SWT1: variants seen among roughly 807,000 people sequenced by gnomAD.
The protein encoded by SWT1 is transcriptional protein SWT1.
Under a neutral mutation model 107.3 loss-of-function variants are expected in SWT1, and 33 were observed. The observed-to-expected ratio is 0.31, with a 90% CI of 0.23 to 0.41. The LOEUF (loss-of-function observed/expected upper bound fraction) is 0.41. Among genes scored for constraint, SWT1 ranks in the 10% least tolerant of loss-of-function variants. The pLI, the probability that SWT1 is intolerant of heterozygous loss-of-function variation, is 1.00. For missense variants in SWT1, 898 were observed against 1,028.9 expected (o/e 0.87, Z 1.74); for synonymous variants, 345 against 348.3 (o/e 0.99, Z 0.11).
intron 4 of SWT1, chr1:185,171,488 C>T: frequency 3.3e-6 from 1 of 305,034 alleles, no homozygotes; most frequent in Non-Finnish European, 6.4e-6. Context: ...GAAGAGGCAT[C>T]TCGGAAGTCA....
intron 16 of SWT1, among the ~76,000 whole-genome samples, chr1:185,254,658 A>C (rs1463510020): frequency 6.6e-6 from 1 of 151,530 alleles, no homozygotes; most frequent in East Asian, 2.0e-4. Flanking sequence ...TGTCTATTTG[A>C]TTCTTCTTTC....
intron 1 of SWT1, 108 bp from the exon 2 acceptor site, chr1:185,160,725 A>G: frequency 2.6e-6 from 2 of 764,000 alleles, no homozygotes; most frequent in Non-Finnish European, 2.1e-6. Flanking sequence ...ATAAAATAAA[A>G]AGTGATCATA....
chr1:185,158,394 G>C lies in SWT1; in HGVS notation c.-10+1080G>C, dbSNP rs553162250. On this transcript the variant is annotated intron_variant, in intron 1 of 18. Transcript: ENST00000367500. Reference sequence around the variant, plus strand: ...CGTACAGCTTTTATCTAGTATTCCTGAATGTGTAGTTGACTCATGGCTCAA... The same window carrying C: ...CGTACAGCTTTTATCTAGTATTCCTCAATGTGTAGTTGACTCATGGCTCAA... 7.9e-5 allele frequency among the ~76,000 whole-genome samples: 12 copies of C among 151,740 alleles called. No homozygotes were observed. The South Asian group carries it at 2.5e-3, about 32-fold the overall frequency.
At chr1:185,220,684 A>G (rs984280761) in intron 14 of SWT1, among the ~76,000 whole-genome samples, 1 of 152,314 alleles carries the variant, frequency 6.6e-6, no homozygotes, top group South Asian at 2.1e-4. Flanking sequence ...CTAAAAAACA[A>G]ACATATTCTG....
intron 1 of SWT1, among the ~76,000 whole-genome samples, chr1:185,158,240 CT>C (rs980115824): frequency 6.6e-6 from 1 of 152,116 alleles, no homozygotes; most frequent in African/African-American, 2.4e-5. Context: ...ACTCCTCCCC[CT>C]ATAGTTAAGA....
chr1:185,170,900 T>A (rs1178921396), intron 4 of SWT1, among the ~76,000 whole-genome samples: 2 of 152,204 alleles, frequency 1.3e-5, no homozygotes, highest in African/African-American at 2.4e-5. Context: ...TTATTGACAC[T>A]GTCATTTTCC....
intron 10 of SWT1, among the ~76,000 whole-genome samples, chr1:185,194,164 C>T (rs1249033743): frequency 6.6e-6 from 1 of 152,022 alleles, no homozygotes; most frequent in East Asian, 1.9e-4. Context: ...TTACTTTTAG[C>T]CCCTCTACGC....
intron 3 of SWT1, among the ~76,000 whole-genome samples, chr1:185,167,226 A>G (rs80242868): frequency 0.021 from 3,189 of 152,314 alleles, 94 homozygotes; most frequent in African/African-American, 0.071. Context: ...TTGCATTTTC[A>G]GATTCAGAAA....
intron 16 of SWT1, among the ~76,000 whole-genome samples, chr1:185,233,602 G>T (rs1660644757): frequency 6.6e-6 from 1 of 152,156 alleles, no homozygotes; most frequent in Non-Finnish European, 1.5e-5. Context: ...TTTCCATGTA[G>T]TTGAGCGGTT....
chr1:185,257,918 C>T (rs554998924), intron 16 of SWT1: 1 of 151,544 alleles, frequency 6.6e-6, no homozygotes, highest in East Asian at 1.9e-4. Flanking sequence ...TTTTTAAGTC[C>T]AGTCAAGTGA....
intron 9 of SWT1, among the ~76,000 whole-genome samples, chr1:185,186,797 C>T (rs1383703083): frequency 6.6e-6 from 1 of 151,650 alleles, no homozygotes; most frequent in Non-Finnish European, 1.5e-5. Context: ...TCCCGTCACG[C>T]AGGCTGGAGT....
chr1:185,274,525 G>T (rs1664110973), intron 17 of SWT1, among the ~76,000 whole-genome samples: 1 of 151,898 alleles, frequency 6.6e-6, no homozygotes, highest in South Asian at 2.1e-4. Flanking sequence ...CTACATTGGA[G>T]ATATTTGTCT....
chr1:185,176,717 C>T (rs1655591006), intron 5 of SWT1: 1 of 982,182 alleles, frequency 1.0e-6, no homozygotes, highest in East Asian at 1.1e-4. Context: ...AGGCCTGGTG[C>T]CTCACACCTG....
chr1:185,288,361 G>T lies in SWT1; in HGVS notation c.2574-2313G>T, dbSNP rs1665066306. ...TCTGAGTTGCTAGGATTACAGATGT[G>T]AGCCACCCAAAAGTCAGGCTTTAAT... On this transcript the variant is annotated intron_variant, in intron 18 of 18. Coordinates refer to ENST00000367500, the MANE Select transcript of SWT1 (RefSeq NM_017673.7). Among the ~76,000 whole-genome samples the T allele has an allele frequency of 2.0e-5, 3 of 152,112 alleles. No homozygotes were observed. In the South Asian group the frequency reaches 6.2e-4, roughly 32 times the overall value.
chr1:185,157,484 G>T (rs917802096), intron 1 of SWT1, 170 bp downstream of exon 1: 1 of 152,666 alleles, frequency 6.6e-6, no homozygotes, highest in Non-Finnish European at 1.5e-5. Flanking sequence ...TCCGTGGAGG[G>T]TGTGGTTCTG....
At position 185,202,805 on chromosome 1, in the gene SWT1, A is replaced by G. The variant is rs1657991857; in HGVS notation, c.1669+6A>G. 6.9e-7 allele frequency: 1 copy of G among 1,457,498 alleles called. No homozygotes were observed. The highest frequency in any genetic ancestry group is 9.2e-7 in the Non-Finnish European group (1 of 1,084,088). 90.3% of individuals were successfully genotyped at this position (1,457,498 alleles called of 1,614,324 possible). A position where few individuals can be genotyped will look rare whatever the true frequency, so the allele number is the denominator to read the frequency against. Reference sequence around the variant, plus strand: ...TAAGCAACAGTTGAAAGCAGGTAGTATTTTTACTATAAATAATTAGAGATA... The same window carrying G: ...TAAGCAACAGTTGAAAGCAGGTAGTGTTTTTACTATAAATAATTAGAGATA... On this transcript the variant is annotated splice_donor_region_variant and intron_variant, in intron 11 of 18. Coordinates refer to ENST00000367500, the MANE Select transcript of SWT1 (RefSeq NM_017673.7).
chr1:185,195,451 A>G (rs1041505483), intron 10 of SWT1, among the ~76,000 whole-genome samples: 13 of 152,218 alleles, frequency 8.5e-5, no homozygotes, highest in Non-Finnish European at 1.6e-4. Context: ...TAGTGCCGCA[A>G]TAAACATATG....
chr1:185,229,587 C>T (rs1660353137), intron 15 of SWT1, among the ~76,000 whole-genome samples: 1 of 151,604 alleles, frequency 6.6e-6, no homozygotes, highest in South Asian at 2.1e-4. Flanking sequence ...GATGTTGTTT[C>T]CTGTTTTCTC....
At chr1:185,166,486 T>G in intron 2 of SWT1, 86 bp from the exon 3 acceptor site, 1 of 814,828 alleles carries the variant, frequency 1.2e-6, no homozygotes, top group African/African-American at 1.7e-5. Context: ...AAATGTTGAT[T>G]TGTAATACTA....
Sources: allele counts gnomAD v4.1 joint callset (sites outside exome capture counted in the v4.1 genomes callset), GRCh38; gene constraint gnomAD v4.1.1; transcripts MANE v1.5; gene names NCBI Gene and HGNC (gene_info 2026-07-23, HGNC 2026-07-21).